The following MARCHF6 variants were observed in gnomAD, a reference collection of about 807,000 sequenced individuals.
MARCHF6 encodes the protein membrane associated ring-CH-type finger 6, also known as E3 ubiquitin-protein ligase MARCHF6.
MARCHF6 carries 31 observed loss-of-function variants against 133.7 expected under a neutral mutation model. The observed-to-expected ratio is 0.23, with a 90% CI of 0.17 to 0.31. The LOEUF is 0.31. Ranked by LOEUF, MARCHF6 falls within the 10% of genes least tolerant of loss-of-function variation. The pLI is 1.00. For synonymous variants in MARCHF6, 395 were observed against 402.5 expected (o/e 0.98, Z 0.22); for missense variants, 723 against 1,121.6 (o/e 0.64, Z 5.08).
At chr5:10,372,769 T>C (rs1191855465) in intron 1 of MARCHF6, among the ~76,000 whole-genome samples, 2 of 152,260 alleles carry the variant, frequency 1.3e-5, no homozygotes, top group African/African-American at 4.8e-5. Context: ...ATTTGTTTTA[T>C]ATTTGCCAAT....
intron 18 of MARCHF6, 37 bp downstream of exon 18, chr5:10,410,313 CAT>C: frequency 6.3e-7 from 1 of 1,598,446 alleles, no homozygotes; most frequent in Non-Finnish European, 8.5e-7. Flanking sequence ...ACATGCATGT[CAT>C]TTGTGACTAT....
chr5:10,354,224 C>T (rs889931956), intron 1 of MARCHF6, among the ~76,000 whole-genome samples: 9 of 152,298 alleles, frequency 5.9e-5, no homozygotes, highest in Non-Finnish European at 8.8e-5. Context: ...CGCGCTGGCC[C>T]AGAAAAGGGG....
At chr5:10,400,895 T>G in intron 11 of MARCHF6, 53 bp downstream of exon 11, 1 of 1,334,398 alleles carries the variant, frequency 7.5e-7, no homozygotes, top group Non-Finnish European at 1.1e-6. Context: ...CCAAATGTGA[T>G]TATTAATAAA....
At chr5:10,360,381 C>T (rs1331298826) in intron 1 of MARCHF6, among the ~76,000 whole-genome samples, 5 of 151,890 alleles carry the variant, frequency 3.3e-5, no homozygotes, top group Non-Finnish European at 5.9e-5. Flanking sequence ...TCAGGTGATC[C>T]ATCTGCCTCA....
rs145672475 is a variant in MARCHF6, at chr5:10,405,626, A to G, written c.1401A>G (p.Glu467=). 3.2e-5 allele frequency: 51 copies of G among 1,610,712 alleles called. No individual in the cohort carries two copies. The highest frequency in any genetic ancestry group is 2.7e-4 in the East Asian group (12 of 44,758). ...ATCCAGATTTCAATCCAGTACAGGA[A>G]ATGATCCATTTGCCAATATATAGGC... ...LNDPDFNPVQ[E]MIHLPIYRHL... Residue 467 remains glutamate (E), a synonymous_variant, in exon 16 of 26, where the codon GAA becomes GAG. Transcript: ENST00000274140.
intron 1 of MARCHF6, among the ~76,000 whole-genome samples, chr5:10,363,751 A>C (rs1402882038): frequency 6.6e-6 from 1 of 152,236 alleles, no homozygotes; most frequent in Non-Finnish European, 1.5e-5. Context: ...ATCTATTTGT[A>C]AAATAGAATA....
At chr5:10,407,239 A>ATC (rs1285360144) in intron 17 of MARCHF6, 37 bp downstream of exon 17, 2 of 1,133,028 alleles carry the variant, frequency 1.8e-6, no homozygotes, top group Non-Finnish European at 2.6e-6. Context: ...TTACTAATTT[A>ATC]TCTCTATTAG....
At chr5:10,408,101 C>T (rs1305508405) in intron 17 of MARCHF6, among the ~76,000 whole-genome samples, 1 of 152,118 alleles carries the variant, frequency 6.6e-6, no homozygotes, top group Non-Finnish European at 1.5e-5. Context: ...CTCAAGTTTA[C>T]TTCTAATGAG....
intron 25 of MARCHF6, among the ~76,000 whole-genome samples, chr5:10,431,456 C>T (rs1427683439): frequency 6.6e-6 from 1 of 152,154 alleles, no homozygotes; most frequent in Non-Finnish European, 1.5e-5. Context: ...CATGCTCTAT[C>T]TTCTTCTGCT....
At chr5:10,373,805 G>A (rs922762955) in intron 1 of MARCHF6, among the ~76,000 whole-genome samples, 1 of 152,116 alleles carries the variant, frequency 6.6e-6, no homozygotes, top group African/African-American at 2.4e-5. Flanking sequence ...ACCCTCCCTG[G>A]TAGATCCTAC....
chr5:10,371,718 T>C (rs1359477727), intron 1 of MARCHF6, among the ~76,000 whole-genome samples: 1 of 152,232 alleles, frequency 6.6e-6, no homozygotes, highest in African/African-American at 2.4e-5. Flanking sequence ...AGGGTAGTTC[T>C]TAGCTGATGT....
chr5:10,360,871 G>A (rs1735779531), intron 1 of MARCHF6, among the ~76,000 whole-genome samples: 2 of 152,342 alleles, frequency 1.3e-5, no homozygotes, highest in South Asian at 2.1e-4. Flanking sequence ...AGCCCTGTGA[G>A]TGATTATTGC....
At chr5:10,392,596 A>T (rs1484682017) in intron 7 of MARCHF6, among the ~76,000 whole-genome samples, 1 of 152,068 alleles carries the variant, frequency 6.6e-6, no homozygotes, top group South Asian at 2.1e-4. Flanking sequence ...TCTCCTAAAA[A>T]TACAAAAATT....
At chr5:10,393,608 C>T (rs374365156) in intron 7 of MARCHF6, among the ~76,000 whole-genome samples, 1 of 152,304 alleles carries the variant, frequency 6.6e-6, no homozygotes, top group East Asian at 1.9e-4. Flanking sequence ...GTTCTTGCTC[C>T]ACATAGTTCA....
At chr5:10,368,455 A>G (rs148878825) in intron 1 of MARCHF6, among the ~76,000 whole-genome samples, 72 of 152,240 alleles carry the variant, frequency 4.7e-4, no homozygotes, top group African/African-American at 1.7e-3. Flanking sequence ...CAACGTGGTG[A>G]TAGAGAGACC....
intron 19 of MARCHF6, chr5:10,413,330 A>G (rs755033323): frequency 6.6e-6 from 1 of 152,214 alleles, no homozygotes; most frequent in Non-Finnish European, 1.5e-5. Flanking sequence ...AGACAGACTC[A>G]AAAAATGACT....
intron 17 of MARCHF6, among the ~76,000 whole-genome samples, chr5:10,407,613 T>C (rs1002194083): frequency 6.6e-6 from 1 of 152,152 alleles, no homozygotes; most frequent in Non-Finnish European, 1.5e-5. Flanking sequence ...TTATTAAAAA[T>C]AGGGTACAAG....
At chr5:10,392,898 T>C (rs1737956425) in intron 7 of MARCHF6, among the ~76,000 whole-genome samples, 1 of 152,326 alleles carries the variant, frequency 6.6e-6, no homozygotes, top group African/African-American at 2.4e-5. Flanking sequence ...TTGTGTCTCT[T>C]TGTGTCACGT....
chr5:10,400,468 A>T (rs1738459903), intron 10 of MARCHF6, among the ~76,000 whole-genome samples: 1 of 152,120 alleles, frequency 6.6e-6, no homozygotes, highest in African/African-American at 2.4e-5. Context: ...TTTTTTGAGC[A>T]TCATAAACTC....
Sources: allele counts gnomAD v4.1 joint callset (sites outside exome capture counted in the v4.1 genomes callset), GRCh38; gene constraint gnomAD v4.1.1; transcripts MANE v1.5; gene names NCBI Gene and HGNC (gene_info 2026-07-23, HGNC 2026-07-21).